The following SCHIP1 variants were observed in gnomAD, a reference collection of about 807,000 sequenced individuals.
The protein encoded by SCHIP1 is schwannomin interacting protein 1.
In SCHIP1, 8 loss-of-function variants were observed where a neutral mutation model predicts 29.7. The observed-to-expected ratio is 0.27, with a 90% CI of 0.16 to 0.49. The LOEUF is 0.49. Among genes scored for constraint, SCHIP1 ranks in the 20% least tolerant of loss-of-function variants. SCHIP1 has a pLI of 0.99. For missense variants in SCHIP1, 193 were observed against 294.6 expected, an observed-to-expected ratio of 0.66 and a Z score of 2.52; for synonymous variants, 76 against 94.9, an observed-to-expected ratio of 0.80 and a Z score of 1.16.
the SCHIP1 span, among the ~76,000 whole-genome samples, chr3:159,677,085 C>A: frequency 6.6e-6 from 1 of 152,124 alleles, no homozygotes; most frequent in South Asian, 2.1e-4. Flanking sequence ...CATCTTCCAT[C>A]CCCCATAGCA....
the SCHIP1 span, among the ~76,000 whole-genome samples, chr3:159,536,900 T>C: frequency 6.6e-6 from 1 of 152,316 alleles, no homozygotes; most frequent in South Asian, 2.1e-4. Context: ...ATCATCTAGC[T>C]CTTGAGGTTA....
At chr3:159,755,971 T>C in the SCHIP1 span, among the ~76,000 whole-genome samples, 17 of 152,252 alleles carry the variant, frequency 1.1e-4, no homozygotes, top group Admixed American at 1.1e-3. Context: ...TCTGTGGCTT[T>C]GCAGGATGCA....
chr3:159,398,436 CA>C, the SCHIP1 span, among the ~76,000 whole-genome samples: 1 of 152,102 alleles, frequency 6.6e-6, no homozygotes, highest in South Asian at 2.1e-4. Flanking sequence ...TCTGGTAGGT[CA>C]GGGGTTGTCA....
the SCHIP1 span, among the ~76,000 whole-genome samples, chr3:159,715,946 T>A: frequency 6.6e-6 from 1 of 152,136 alleles, no homozygotes; most frequent in Non-Finnish European, 1.5e-5. Flanking sequence ...GACACATAAT[T>A]GTCAGATTCA....
chr3:159,308,064 T>C, the SCHIP1 span, among the ~76,000 whole-genome samples: 3 of 152,070 alleles, frequency 2.0e-5, no homozygotes, highest in Non-Finnish European at 4.4e-5. Flanking sequence ...TTTAGGCTCT[T>C]TTTTTTGGTC....
At chr3:159,549,925 C>T in the SCHIP1 span, among the ~76,000 whole-genome samples, 1 of 152,040 alleles carries the variant, frequency 6.6e-6, no homozygotes, top group Non-Finnish European at 1.5e-5. Flanking sequence ...AGAGTCATGT[C>T]TGGTAGGAGC....
the SCHIP1 span, among the ~76,000 whole-genome samples, chr3:159,807,110 G>T: frequency 6.6e-6 from 1 of 152,186 alleles, no homozygotes; most frequent in Admixed American, 6.5e-5. Flanking sequence ...TTGCTTCAGA[G>T]TCCTTCTTTG....
At chr3:159,713,502 T>C in the SCHIP1 span, among the ~76,000 whole-genome samples, 4 of 152,244 alleles carry the variant, frequency 2.6e-5, no homozygotes, top group Non-Finnish European at 5.9e-5. Flanking sequence ...TAGTAAATTA[T>C]TGATAAAATA....
chr3:159,574,774 G>A, the SCHIP1 span, among the ~76,000 whole-genome samples: 11 of 152,290 alleles, frequency 7.2e-5, no homozygotes, highest in East Asian at 9.7e-4. Context: ...CACCCAGTTC[G>A]AGCTTCCCAG....
chr3:159,421,317 A>C, the SCHIP1 span, among the ~76,000 whole-genome samples: 1 of 152,210 alleles, frequency 6.6e-6, no homozygotes, highest in Admixed American at 6.5e-5. Context: ...GGAAGTCTAG[A>C]ACAGTGCCTG....
the SCHIP1 span, among the ~76,000 whole-genome samples, chr3:159,312,294 A>G: frequency 3.9e-5 from 6 of 152,150 alleles, no homozygotes; most frequent in Admixed American, 1.3e-4. Context: ...ATCAATGTTC[A>G]TCACAGATTG....
At chr3:159,359,550 A>C in the SCHIP1 span, among the ~76,000 whole-genome samples, 1 of 152,244 alleles carries the variant, frequency 6.6e-6, no homozygotes, top group Non-Finnish European at 1.5e-5. Flanking sequence ...GATACATGTT[A>C]AAGATAAGTG....
the SCHIP1 span, among the ~76,000 whole-genome samples, chr3:159,818,705 C>T: frequency 3.3e-5 from 5 of 152,264 alleles, no homozygotes; most frequent in Admixed American, 2.0e-4. Flanking sequence ...CTTGCTGGAG[C>T]AGCCTGTCCA....
chr3:159,687,751 G>A, the SCHIP1 span, among the ~76,000 whole-genome samples: 1 of 151,942 alleles, frequency 6.6e-6, no homozygotes, highest in Non-Finnish European at 1.5e-5. Flanking sequence ...CCCTCCCCTT[G>A]CCCCTCACTC....
the SCHIP1 span, among the ~76,000 whole-genome samples, chr3:159,820,887 T>A: frequency 6.6e-6 from 1 of 152,220 alleles, no homozygotes; most frequent in East Asian, 1.9e-4. Context: ...TGTTATACAA[T>A]AGAACTTTCT....
chr3:159,377,951 T>C, the SCHIP1 span, among the ~76,000 whole-genome samples: 1 of 152,194 alleles, frequency 6.6e-6, no homozygotes, highest in Non-Finnish European at 1.5e-5. Flanking sequence ...GTAAATTTGC[T>C]GCAAGGCCCT....
the SCHIP1 span, among the ~76,000 whole-genome samples, chr3:159,806,920 CT>C: frequency 6.6e-6 from 1 of 152,222 alleles, no homozygotes; most frequent in African/African-American, 2.4e-5. Flanking sequence ...GAAAACCACA[CT>C]GTAACATTGT....
the SCHIP1 span, among the ~76,000 whole-genome samples, chr3:159,510,049 A>G: frequency 6.6e-6 from 1 of 152,206 alleles, no homozygotes; most frequent in Admixed American, 6.5e-5. Flanking sequence ...CCTGGATAAT[A>G]TCCTGCAGAG....
chr3:159,692,966 T>C, the SCHIP1 span, among the ~76,000 whole-genome samples: 1 of 152,222 alleles, frequency 6.6e-6, no homozygotes, highest in African/African-American at 2.4e-5. Context: ...ACTGGCAAAC[T>C]GAATTAATTT....
Sources: gnomAD v4.1 joint callset for allele counts (sites outside exome capture counted in the v4.1 genomes callset) on GRCh38, gnomAD v4.1.1 for gene constraint, MANE v1.5 for transcripts, NCBI Gene and HGNC (gene_info 2026-07-23, HGNC 2026-07-21) for gene names.